The following RWDD1 variants were observed in gnomAD, a reference collection of about 807,000 sequenced individuals.
The protein encoded by RWDD1 is RWD domain containing 1, also known as RWD domain-containing protein 1.
In RWDD1, 17 loss-of-function variants were observed where a neutral mutation model predicts 31.6. The observed-to-expected ratio is 0.54, with a 90% CI of 0.37 to 0.81. RWDD1 has a LOEUF of 0.81. Ranked by LOEUF, RWDD1 falls within the 30% of genes least tolerant of loss-of-function variation. The pLI is 0.00. For missense variants in RWDD1, 204 were observed against 274.5 expected, an observed-to-expected ratio of 0.74 and a Z score of 1.82; for synonymous variants, 78 against 94.2, an observed-to-expected ratio of 0.83 and a Z score of 0.99.
In RWDD1 at chr6:116,585,204, T is replaced by A. The variant is rs1178583626; in HGVS notation, c.270+347T>A. Among the ~76,000 whole-genome samples the A allele has an allele frequency of 2.6e-5, 4 of 152,252 alleles. No homozygotes were observed. The South Asian group carries it at 6.2e-4, about 24-fold the overall frequency. ...TATGTAGCTACAATTTTCAACTTTT[T>A]AAAAAAATTAAAACTTCTTCCCTCT... On this transcript the variant is annotated intron_variant, in intron 3 of 6. Transcript: ENST00000466444.
rs761396481 is a variant in RWDD1 at position 116,596,144 on chromosome 6, T to C, written c.*3043T>C. 2 of 152,218 alleles carry C rather than the reference T, an allele frequency of 1.3e-5. No individual in the cohort carries two copies. The highest frequency in any genetic ancestry group is 2.9e-5 in the Non-Finnish European group (2 of 68,024). The allele number at this position is 152,218 out of a possible 1,614,324, so 9.4% of individuals were successfully genotyped here. A position where few individuals can be genotyped will look rare whatever the true frequency, so the allele number is the denominator to read the frequency against. On this transcript the variant is annotated 3_prime_UTR_variant, in exon 7 of 7. Coordinates refer to ENST00000466444, the MANE Select transcript of RWDD1 (RefSeq NM_015952.4). ...GAACTACTTCACATAGCTCTTAATG[T>C]TTGTCTTTCAGAGGACATACGAGTC...
chr6:116,591,977 A>T (rs537932588), intron 6 of RWDD1, among the ~76,000 whole-genome samples: 1 of 152,288 alleles, frequency 6.6e-6, no homozygotes, highest in East Asian at 1.9e-4. Flanking sequence ...TGTCATTTTC[A>T]CCTGGATTTT....
At chr6:116,574,888 C>T (rs893028902) in intron 1 of RWDD1, among the ~76,000 whole-genome samples, 1 of 151,814 alleles carries the variant, frequency 6.6e-6, no homozygotes, top group African/African-American at 2.4e-5. Context: ...CCCACCTCAG[C>T]CTCCAGAGTA....
chr6:116,588,248 T>C (rs1449384741), intron 3 of RWDD1, among the ~76,000 whole-genome samples: 2 of 152,174 alleles, frequency 1.3e-5, no homozygotes, highest in Admixed American at 1.3e-4. Flanking sequence ...CTTCTAGCAC[T>C]GAGATTCTGG....
At position 116,571,517 on chromosome 6, in the gene RWDD1, A is replaced by C. The variant is rs1015710984; in HGVS notation, c.-66A>C. On this transcript the variant is annotated 5_prime_UTR_variant, in exon 1 of 7. Transcript: ENST00000466444. Reference sequence around the variant, plus strand: ...CCGCCGCCCGCTCTCCCGGCGCGGCAGCTGTCTGGGCTGCTGCGCGCCGCC... The same window carrying C: ...CCGCCGCCCGCTCTCCCGGCGCGGCCGCTGTCTGGGCTGCTGCGCGCCGCC... The C allele has an allele frequency of 1.9e-5, 28 of 1,510,024 alleles. No individual in the cohort carries two copies. The highest frequency in any genetic ancestry group is 6.5e-5 in the Admixed American group (3 of 45,982). 93.5% of individuals were successfully genotyped at this position (1,510,024 alleles called of 1,614,324 possible).
intron 4 of RWDD1, 129 bp downstream of exon 4, chr6:116,589,114 G>A: frequency 1.2e-6 from 1 of 807,492 alleles, no homozygotes; most frequent in East Asian, 4.7e-5. Flanking sequence ...GTAAATTTTA[G>A]TAAAGTTTCA....
At chr6:116,573,029 T>C (rs773322296) in intron 1 of RWDD1, 23 of 977,934 alleles carry the variant, frequency 2.4e-5, no homozygotes, top group Non-Finnish European at 2.7e-5. Flanking sequence ...TCCTTGCTTA[T>C]ATGTGTATGT....
chr6:116,576,312 A>G (rs1344967552), intron 1 of RWDD1, among the ~76,000 whole-genome samples: 1 of 152,170 alleles, frequency 6.6e-6, no homozygotes, highest in Non-Finnish European at 1.5e-5. Flanking sequence ...TGGCTTCATA[A>G]TTTCTTGTCT....
intron 3 of RWDD1, 75 bp downstream of exon 3, chr6:116,584,932 A>G (rs1775013042): frequency 2.6e-6 from 3 of 1,171,402 alleles, no homozygotes; most frequent in Admixed American, 2.0e-5. Flanking sequence ...TTCAAGAGTT[A>G]GAAAATGCTA....
At chr6:116,591,024 G>C in intron 6 of RWDD1, 74 bp downstream of exon 6, 3 of 1,481,896 alleles carry the variant, frequency 2.0e-6, no homozygotes, top group Non-Finnish European at 2.7e-6. Flanking sequence ...ATTTTGGAAA[G>C]CCAAGGCAGG....
chr6:116,571,724 T>G, intron 1 of RWDD1, 69 bp downstream of exon 1: 2 of 1,444,410 alleles, frequency 1.4e-6, no homozygotes, highest in South Asian at 1.2e-5. Flanking sequence ...CTGCCGCAGC[T>G]CTGGGCCTCA....
rs757694143 is a variant in RWDD1, at chr6:116,584,815, A to C, written c.228A>C (p.Glu76Asp). 2 of 1,597,088 alleles carry C rather than the reference A, an allele frequency of 1.3e-6. No individual in the cohort carries two copies. Among genetic ancestry groups the C allele is most frequent in the Non-Finnish European group, 1.7e-6 (2 of 1,164,648 alleles). Residue 76 changes from glutamate to aspartate, a missense_variant, in exon 3 of 7, where the codon GAA (glutamate) becomes GAC (aspartate). Physicochemically the swap from Glu to Asp is conservative, Grantham distance 45 (BLOSUM62 2). Transcript: ENST00000466444. ...AAATATTCTCCCAGGAAAATCTAGA[A>C]GATAATGATGTCTCAGACATTTTAA... is the stretch of plus-strand genomic sequence containing the variant. Reference protein sequence around the residue: ...LYEIFSQENLEDNDVSDILKL... With the variant: ...LYEIFSQENLDDNDVSDILKL...
At chr6:116,574,834 A>G (rs1170534131) in intron 1 of RWDD1, among the ~76,000 whole-genome samples, 5 of 121,178 alleles carry the variant, frequency 4.1e-5, no homozygotes, top group Non-Finnish European at 6.4e-5. Context: ...GCAGTGCCCC[A>G]ATCAGCTCAC....
intron 1 of RWDD1, among the ~76,000 whole-genome samples, chr6:116,576,588 G>C (rs1385429925): frequency 1.3e-5 from 2 of 152,122 alleles, no homozygotes; most frequent in African/African-American, 4.8e-5. Flanking sequence ...TGATATTCTT[G>C]CTGACATTCC....
chr6:116,588,095 T>C (rs1775075463), intron 3 of RWDD1, among the ~76,000 whole-genome samples: 1 of 152,104 alleles, frequency 6.6e-6, no homozygotes, highest in Admixed American at 6.6e-5. Flanking sequence ...ATGGTTAGCA[T>C]AGAAACACCA....
chr6:116,580,437 A>T, intron 2 of RWDD1, 77 bp downstream of exon 2: 1 of 1,079,552 alleles, frequency 9.3e-7, no homozygotes, highest in Non-Finnish European at 1.4e-6. Context: ...ATTATGCTGG[A>T]TATTGTCATG....
At chr6:116,584,670 G>A (rs930696310) in intron 2 of RWDD1, 57 bp from the exon 3 acceptor site, 15 of 1,494,764 alleles carry the variant, frequency 1.0e-5, no homozygotes, top group Non-Finnish European at 1.4e-5. Flanking sequence ...ATTCAGCAAA[G>A]ATATCTACCT....
At chr6:116,573,848 G>A (rs1482809216) in intron 1 of RWDD1, among the ~76,000 whole-genome samples, 1 of 151,692 alleles carries the variant, frequency 6.6e-6, no homozygotes, top group Non-Finnish European at 1.5e-5. Context: ...GGATGACTGA[G>A]TGCTTGACAA....
intron 1 of RWDD1, among the ~76,000 whole-genome samples, chr6:116,575,241 A>G (rs916758474): frequency 2.0e-5 from 3 of 152,066 alleles, no homozygotes; most frequent in Admixed American, 1.3e-4. Flanking sequence ...GTGTGCCACC[A>G]TGCCTGGCTA....
Sources: gnomAD v4.1 joint callset for allele counts (sites outside exome capture counted in the v4.1 genomes callset) on GRCh38, gnomAD v4.1.1 for gene constraint, MANE v1.5 for transcripts, NCBI Gene and HGNC (gene_info 2026-07-23, HGNC 2026-07-21) for gene names.